Variants in DOK6 observed in about 807,000 individuals in gnomAD.
DOK6 encodes the protein downstream of tyrosine kinase 6.
A neutral mutation model predicts 44.0 loss-of-function variants in DOK6; 22 were observed. The observed-to-expected ratio is 0.50, with a 90% confidence interval of 0.36 to 0.71. The LOEUF is 0.71. DOK6 is among the 30% of genes least tolerant of loss of function. The pLI is 0.00. For missense variants in DOK6, 340 were observed against 416.4 expected, an observed-to-expected ratio of 0.82 and a Z score of 1.60; for synonymous variants, 166 against 145.5, an observed-to-expected ratio of 1.14 and a Z score of -1.01.
intron 6 of DOK6, among the ~76,000 whole-genome samples, chr18:69,746,810 T>C (rs915956433): frequency 3.9e-5 from 6 of 152,202 alleles, no homozygotes; most frequent in Non-Finnish European, 7.3e-5. Context: ...CCAATTGGTG[T>C]TCTTCTTGAA....
At chr18:69,740,080 C>T (rs867005708) in intron 6 of DOK6, among the ~76,000 whole-genome samples, 5 of 152,140 alleles carry the variant, frequency 3.3e-5, no homozygotes, top group East Asian at 1.9e-4. Flanking sequence ...ATCTGGGGTA[C>T]GGTTAAAAAA....
At chr18:69,620,086 T>A (rs1286399338) in intron 3 of DOK6, among the ~76,000 whole-genome samples, 1 of 152,092 alleles carries the variant, frequency 6.6e-6, no homozygotes, top group East Asian at 1.9e-4. Context: ...TATAATATAA[T>A]ATAAATATGT....
At chr18:69,494,482 CAA>C (rs1228302883) in intron 1 of DOK6, among the ~76,000 whole-genome samples, 2 of 46,440 alleles carry the variant, frequency 4.3e-5, no homozygotes, top group African/African-American at 1.9e-4. Context: ...TCTCAAAAAA[CAA>C]ACAAACAAAA....
intron 1 of DOK6, among the ~76,000 whole-genome samples, chr18:69,414,823 A>G (rs1419575577): frequency 7.2e-5 from 11 of 152,054 alleles, no homozygotes; most frequent in Admixed American, 7.2e-4. Flanking sequence ...CTAATTAGAA[A>G]ATGTAAGAAG....
intron 1 of DOK6, 151 bp downstream of exon 1, chr18:69,401,461 T>G: frequency 1.4e-4 from 108 of 795,994 alleles, no homozygotes; most frequent in East Asian, 8.3e-4. Context: ...CTTGGCCAGG[T>G]GGGGGCCCAC....
In DOK6 at chr18:69,778,416, C is replaced by T. The variant is rs1980149279; in HGVS notation, c.856+20543C>T. Among the ~76,000 whole-genome samples the T allele has an allele frequency of 2.6e-5, 4 of 152,140 alleles. No individual in the cohort carries two copies. In the South Asian group the frequency reaches 8.3e-4, roughly 32 times the overall value. ...AATAAAATTGCGTCAAAAGGAACCTCGAAGAGACCGAGGCAGTGCAGAAAG... is the reference window on the plus strand; with the variant it reads ...AATAAAATTGCGTCAAAAGGAACCTTGAAGAGACCGAGGCAGTGCAGAAAG... On this transcript the variant is annotated intron_variant, in intron 7 of 7. Transcript: ENST00000382713.
chr18:69,705,076 T>G (rs1455657229), intron 5 of DOK6: 3 of 152,226 alleles, frequency 2.0e-5, no homozygotes, highest in Non-Finnish European at 4.4e-5. Context: ...TTCCACTTGG[T>G]TCTGCCCTCG....
chr18:69,562,545 G>A (rs965097474), intron 1 of DOK6, among the ~76,000 whole-genome samples: 5 of 152,122 alleles, frequency 3.3e-5, no homozygotes, highest in South Asian at 2.1e-4. Flanking sequence ...AACAAGCAAC[G>A]AGGAAAGCAT....
chr18:69,652,178 G>A (rs527751125), intron 3 of DOK6, among the ~76,000 whole-genome samples: 1 of 152,274 alleles, frequency 6.6e-6, no homozygotes. Flanking sequence ...GCCAATCCAT[G>A]AAACAGAGAG....
intron 7 of DOK6, among the ~76,000 whole-genome samples, chr18:69,790,176 G>A (rs1217336309): frequency 1.4e-5 from 2 of 146,274 alleles, no homozygotes; most frequent in Non-Finnish European, 3.0e-5. Context: ...AAAAATTGCT[G>A]TGTTTCACCA....
intron 1 of DOK6, among the ~76,000 whole-genome samples, chr18:69,429,151 C>A (rs1033173385): frequency 4.3e-4 from 65 of 152,092 alleles, no homozygotes; most frequent in African/African-American, 1.4e-3. Flanking sequence ...GTTGTTCTAT[C>A]CATTGGCTTC....
intron 5 of DOK6, among the ~76,000 whole-genome samples, chr18:69,735,655 G>A (rs1978580903): frequency 6.6e-6 from 1 of 152,216 alleles, no homozygotes; most frequent in South Asian, 2.1e-4. Context: ...GCACCCCCAG[G>A]ACTGACTCAG....
chr18:69,488,178 G>C (rs957827088), intron 1 of DOK6, among the ~76,000 whole-genome samples: 9 of 152,132 alleles, frequency 5.9e-5, no homozygotes, highest in Non-Finnish European at 1.3e-4. Flanking sequence ...GGGGTGGGCT[G>C]TCTTGTGTCT....
rs371434016 is a variant in DOK6 at position 69,564,436 on chromosome 18, C to T, written c.67-51C>T. The T allele has an allele frequency of 5.5e-5, 85 of 1,533,798 alleles. No individual in the cohort carries two copies. The African/African-American group carries it at 5.9e-4, about 11-fold the overall frequency. ...GATTAATTGAATCAACTCCTAATGT[C>T]GTAAACTCATGTAAAAATATGGATA... On this transcript the variant is annotated intron_variant, in intron 1 of 7. Coordinates refer to ENST00000382713, the MANE Select transcript of DOK6 (RefSeq NM_152721.6).
intron 1 of DOK6, among the ~76,000 whole-genome samples, chr18:69,518,895 G>A (rs565905568): frequency 3.3e-5 from 5 of 152,122 alleles, no homozygotes; most frequent in South Asian, 4.2e-4. Flanking sequence ...TCTTACCACT[G>A]ACAAACCTGA....
At chr18:69,599,313 C>T in intron 2 of DOK6, 71 bp from the exon 3 acceptor site, 1 of 1,028,116 alleles carries the variant, frequency 9.7e-7, no homozygotes, top group Non-Finnish European at 1.4e-6. Context: ...GATAACTTAT[C>T]ATTTTGTTTC....
chr18:69,524,627 A>ACAT (rs1981779544), intron 1 of DOK6, among the ~76,000 whole-genome samples: 1 of 151,998 alleles, frequency 6.6e-6, no homozygotes, highest in South Asian at 2.1e-4. Context: ...ACCATTCCGA[A>ACAT]CATTAGTTCT....
chr18:69,518,515 T>C (rs1981595209), intron 1 of DOK6, among the ~76,000 whole-genome samples: 1 of 152,192 alleles, frequency 6.6e-6, no homozygotes, highest in South Asian at 2.1e-4. Flanking sequence ...TTATGTATTA[T>C]TTAATAACCA....
In DOK6 at chr18:69,842,157, AAAG is replaced by A. The variant is rs1982243991; in HGVS notation, c.*775_*777del. ...ATAGTGCTGTAAAAAAAAAAAAAAA[AAAG>A]GCTTCTTATTAGCAAAAGTATATGT... On this transcript the variant is annotated 3_prime_UTR_variant, in exon 8 of 8. Transcript: ENST00000382713. 6.6e-6 allele frequency: 1 copy of A among 150,632 alleles called. No homozygotes were observed. The allele number at this position is 150,632 out of a possible 1,614,324, so 9.3% of individuals were successfully genotyped here. A position where few individuals can be genotyped will look rare whatever the true frequency, so the allele number is the denominator to read the frequency against.
Sources: allele counts gnomAD v4.1 joint callset (sites outside exome capture counted in the v4.1 genomes callset), GRCh38; gene constraint gnomAD v4.1.1; transcripts MANE v1.5; gene names NCBI Gene and HGNC (gene_info 2026-07-23, HGNC 2026-07-21).